Variants in PPL observed in about 807,000 individuals in gnomAD.
PPL encodes the protein periplakin.
In PPL, 198 loss-of-function variants were observed where a neutral mutation model predicts 194.4. The ratio of observed to expected loss-of-function variants is 1.02; its 90% confidence interval spans 0.91 to 1.15. PPL has a LOEUF of 1.15. Ranked by LOEUF, PPL falls within the 50% of genes most tolerant of loss-of-function variation. The probability of loss-of-function intolerance (pLI) is 0.00; values close to 1 mark genes in which losing one functional copy is unlikely to be tolerated. For synonymous variants in PPL, 1,220 were observed against 972.4 expected, an observed-to-expected ratio of 1.25 and a Z score of -4.74; for missense variants, 2,885 against 2,294.8, an observed-to-expected ratio of 1.26 and a Z score of -5.25.
chr16:4,932,798 T>C (rs952821691), intron 1 of PPL, among the ~76,000 whole-genome samples: 5 of 152,066 alleles, frequency 3.3e-5, no homozygotes, highest in Admixed American at 1.3e-4. Context: ...AACCAGGTCA[T>C]GGGCTGGACC....
In PPL at chr16:4,893,227, C is replaced by A; in HGVS notation, c.1636G>T (p.Ala546Ser). 6.4e-7 allele frequency: 1 copy of A among 1,572,466 alleles called. No homozygotes were observed. Among genetic ancestry groups the A allele is most frequent in the Admixed American group, 1.8e-5 (1 of 56,228 alleles). ...CCCGCAGGTACCTTGAGGTCCTTGG[C>A]CCGCTCGGCACTGTCCTGCACAGCC... ...GRAVQDSAER[A>S]KDLKNITNEL... Residue 546 changes from alanine (A) to serine (S), a missense_variant, in exon 14 of 22, where the codon GCC (alanine) becomes TCC (serine). Coordinates refer to ENST00000345988, the MANE Select transcript of PPL (RefSeq NM_002705.5).
intron 11 of PPL, among the ~76,000 whole-genome samples, chr16:4,894,859 CCTT>C (rs959922367): frequency 1.3e-5 from 2 of 152,220 alleles, no homozygotes; most frequent in African/African-American, 2.4e-5. Flanking sequence ...TGTGGTCTCT[CCTT>C]CTCCATTCCC....
Position 4,895,782 on chromosome 16 carries a change from G to A in PPL, c.973-66C>T, listed in dbSNP as rs368624445. On this transcript the variant is annotated intron_variant, in intron 9 of 21. Coordinates refer to ENST00000345988, the MANE Select transcript of PPL (RefSeq NM_002705.5). ...AGAAGCACCTGGGCTTCTGTCGGAG[G>A]CTTCAAGCTCATCCCTCAGGCGGGG... 9 of 1,606,494 alleles carry A rather than the reference G, an allele frequency of 5.6e-6. No homozygotes were observed. The African/African-American group carries it at 1.1e-4, about 19-fold the overall frequency.
intron 1 of PPL, among the ~76,000 whole-genome samples, chr16:4,931,741 C>T: frequency 6.6e-6 from 1 of 152,162 alleles, no homozygotes; most frequent in Non-Finnish European, 1.5e-5. Flanking sequence ...CAGGGCCTCC[C>T]CCAACCACAC....
rs1163833196 is a variant in PPL at position 4,884,594 on chromosome 16, T to A, written c.4061A>T (p.Glu1354Val). The A allele has an allele frequency of 6.2e-7, 1 of 1,613,972 alleles. No individual in the cohort carries two copies. The highest frequency in any genetic ancestry group is 8.5e-7 in the Non-Finnish European group (1 of 1,179,992). Residue 1354 changes from glutamate to valine, a missense_variant, in exon 22 of 22, where the codon GAG becomes GTG. By Grantham distance (121) the Glu-to-Val change is moderately radical (BLOSUM62 -2). Transcript: ENST00000345988. The surrounding 1 kb of genome is among the most constrained non-coding windows in gnomAD (Gnocchi z 5.7). ...TGGCTCCTCCTCATACCTGACCACC[T>A]CCTGCTGCACCACCCTTTCCTTCAC... ...SRVKERVVQQ[E>V]VVRYEEEPGL...
Position 4,892,163 on chromosome 16 carries a change from C to G in PPL, c.1701G>C (p.Thr567=), listed in dbSNP as rs369522283. 6.2e-7 allele frequency: 1 copy of G among 1,613,790 alleles called. No homozygotes were observed. Among genetic ancestry groups the G allele is most frequent in the South Asian group, 1.1e-5 (1 of 91,082 alleles). Residue 567 remains threonine, a synonymous_variant, in exon 15 of 22, where the codon ACG becomes ACC. Coordinates refer to ENST00000345988, the MANE Select transcript of PPL (RefSeq NM_002705.5). Reference sequence around the variant, plus strand: ...CCTGGATGAAGGCTTCGCCCTCAGCCGTGCTCCGCGTCTTCTCAGGTTCAA... The same window carrying G: ...CCTGGATGAAGGCTTCGCCCTCAGCGGTGCTCCGCGTCTTCTCAGGTTCAA... The part of the protein sequence containing the change: ...LRIEPEKTRS[T]AEGEAFIQAL...
chr16:4,888,781 C>A, intron 19 of PPL, 197 bp downstream of exon 19: 2 of 585,454 alleles, frequency 3.4e-6, no homozygotes, highest in South Asian at 2.6e-5. Flanking sequence ...GAGTATAAAA[C>A]CCTTTTACAG....
At position 4,885,480 on chromosome 16, in the gene PPL, T is replaced by G; in HGVS notation, c.3175A>C (p.Lys1059Gln). Reference protein sequence around the residue: ...QEKVTEKEVVKLQNDPQLEAE... With the variant: ...QEKVTEKEVVQLQNDPQLEAE... ...TCCAGCTGGGGGTCATTCTGCAGTT[T>G]CACCACCTCTTTCTCTGTGACCTTC... The change falls in exon 22 of 22, where the codon AAA becomes CAA. Residue 1059 changes from lysine (K) to glutamine (Q), a missense_variant. Lys to Gln is a moderately conservative substitution (Grantham distance 53, BLOSUM62 1). Coordinates refer to ENST00000345988, the MANE Select transcript of PPL (RefSeq NM_002705.5). The surrounding 1 kb of genome is among the most constrained non-coding windows in gnomAD (Gnocchi z 6.3). 1 of 1,612,196 alleles carries G rather than the reference T, an allele frequency of 6.2e-7. No homozygotes were observed. The highest frequency in any genetic ancestry group is 1.1e-5 in the South Asian group (1 of 91,068).
At chr16:4,900,171 G>C (rs906938223) in intron 6 of PPL, among the ~76,000 whole-genome samples, 12 of 152,140 alleles carry the variant, frequency 7.9e-5, no homozygotes, top group African/African-American at 2.7e-4. Context: ...GGAAGCGTTT[G>C]CATAACACTT....
At chr16:4,888,876 C>T in intron 19 of PPL, 102 bp downstream of exon 19, 2 of 1,174,054 alleles carry the variant, frequency 1.7e-6, no homozygotes, top group Non-Finnish European at 2.6e-6. Flanking sequence ...TGGCCAGCTC[C>T]ACCCCCATGT....
chr16:4,891,405 A>G (rs927178391), intron 16 of PPL: 2 of 163,652 alleles, frequency 1.2e-5, no homozygotes, highest in Non-Finnish European at 2.5e-5. Context: ...AGCAAGAGAT[A>G]CTGGGAACAT....
rs371459142 is a variant in PPL at position 4,886,043 on chromosome 16, G to A, written c.2612C>T (p.Pro871Leu). 2.8e-5 allele frequency: 45 copies of A among 1,613,748 alleles called. No homozygotes were observed. The highest frequency in any genetic ancestry group is 4.5e-5 in the East Asian group (2 of 44,898). Residue 871 changes from proline (P) to leucine (L), a missense_variant, in exon 22 of 22, where the codon CCG (proline) becomes CTG (leucine). Coordinates refer to ENST00000345988, the MANE Select transcript of PPL (RefSeq NM_002705.5). ...GGTCTCATGGGTCACTTCTACTTCCGGCTGCTGTGATGGAGAAGACAAGAC... is the reference window on the plus strand; with the variant it reads ...GGTCTCATGGGTCACTTCTACTTCCAGCTGCTGTGATGGAGAAGACAAGAC... ...EFALNLLRQQ[P>L]EVEVTHETLQ...
intron 1 of PPL, among the ~76,000 whole-genome samples, chr16:4,913,534 C>T (rs955129721): frequency 2.6e-5 from 4 of 152,154 alleles, no homozygotes; most frequent in African/African-American, 9.7e-5. Context: ...AGAGATCACC[C>T]AGCTCTGCCT....
chr16:4,933,905 A>G (rs2089258117), intron 1 of PPL, among the ~76,000 whole-genome samples: 1 of 152,174 alleles, frequency 6.6e-6, no homozygotes, highest in African/African-American at 2.4e-5. Context: ...AATAACTGTA[A>G]TCGTCACAGA....
intron 9 of PPL, among the ~76,000 whole-genome samples, chr16:4,896,059 C>A (rs2142352581): frequency 6.6e-6 from 1 of 152,354 alleles, no homozygotes; most frequent in African/African-American, 2.4e-5. Flanking sequence ...AATACTATAG[C>A]TTCTTTCTAG....
intron 6 of PPL, 75 bp from the exon 7 acceptor site, chr16:4,899,459 C>T: frequency 1.4e-5 from 11 of 772,868 alleles, no homozygotes; most frequent in Non-Finnish European, 1.8e-5. Flanking sequence ...CTACCTCCTG[C>T]AGGGCCCAGC....
intron 8 of PPL, 25 bp downstream of exon 8, chr16:4,898,988 G>T: frequency 1.2e-6 from 2 of 1,601,022 alleles, no homozygotes; most frequent in Non-Finnish European, 1.7e-6. Flanking sequence ...CCTGGGGGAG[G>T]TGTCTGGTCT....
chr16:4,917,617 T>C (rs2088951521), intron 1 of PPL, among the ~76,000 whole-genome samples: 1 of 152,128 alleles, frequency 6.6e-6, no homozygotes, highest in African/African-American at 2.4e-5. Flanking sequence ...TAATATCCAC[T>C]GGGCTGGGCG....
chr16:4,908,536 T>TATTGATTG (rs373493233), intron 2 of PPL, among the ~76,000 whole-genome samples: 10,753 of 151,940 alleles, frequency 0.071, 394 homozygotes, highest in Middle Eastern at 0.088. Flanking sequence ...TGACTGACTT[T>TATTGATTG]ATTGATTGAT....
Sources: allele counts gnomAD v4.1 joint callset (sites outside exome capture counted in the v4.1 genomes callset), GRCh38; gene constraint gnomAD v4.1.1; non-coding constraint Gnocchi (gnomAD v3.1); transcripts MANE v1.5; gene names NCBI Gene and HGNC (gene_info 2026-07-23, HGNC 2026-07-21).